The following AVEN variants were observed in gnomAD, a reference collection of about 807,000 sequenced individuals.
AVEN encodes cell death regulator Aven.
AVEN carries 41 observed loss-of-function variants against 38.1 expected under a neutral mutation model. The observed-to-expected ratio is 1.08, with a 90% CI of 0.84 to 1.40. AVEN has a LOEUF of 1.40. Among genes scored for constraint, AVEN ranks in the 40% most tolerant of loss-of-function variants. The pLI is 0.00. For missense variants in AVEN, 605 were observed against 438.8 expected (o/e 1.38, Z -3.38); for synonymous variants, 206 against 171.8 (o/e 1.20, Z -1.56).
intron 2 of AVEN, among the ~76,000 whole-genome samples, chr15:33,955,136 G>A: frequency 6.6e-6 from 1 of 151,954 alleles, no homozygotes; most frequent in South Asian, 2.1e-4. Flanking sequence ...AACCTTAAGT[G>A]TCAGAAAATA....
At chr15:34,008,425 A>AGG (rs1897464602) in intron 1 of AVEN, among the ~76,000 whole-genome samples, 1 of 149,620 alleles carries the variant, frequency 6.7e-6, no homozygotes, top group African/African-American at 2.5e-5. Context: ...GTCTCTTAAA[A>AGG]AGAAAAAAAA....
At chr15:34,038,649 C>CGCGCCG in intron 1 of AVEN, 131 bp downstream of exon 1, 1 of 845,568 alleles carries the variant, frequency 1.2e-6, no homozygotes, top group Non-Finnish European at 1.5e-6. Flanking sequence ...CCGCCCGTCC[C>CGCGCCG]GCGCAGGCGC....
chr15:33,969,771 G>T (rs1474756453), intron 2 of AVEN, among the ~76,000 whole-genome samples: 1 of 151,980 alleles, frequency 6.6e-6, no homozygotes, highest in Non-Finnish European at 1.5e-5. Context: ...TTCAACAAGA[G>T]GATAAAAAGA....
chr15:33,853,490 C>G, the AVEN span: 2 of 1,578,370 alleles, frequency 1.3e-6, no homozygotes, highest in East Asian at 2.3e-5. Context: ...TCTGAAGACC[C>G]CAGAGCTAGA....
chr15:33,891,758 C>T (rs1462873114), intron 2 of AVEN, among the ~76,000 whole-genome samples: 1 of 152,164 alleles, frequency 6.6e-6, no homozygotes, highest in Non-Finnish European at 1.5e-5. Flanking sequence ...AGTGGGATGG[C>T]TGGGTCAAAT....
intron 1 of AVEN, among the ~76,000 whole-genome samples, chr15:34,012,733 C>T (rs1012712307): frequency 1.3e-5 from 2 of 152,140 alleles, no homozygotes; most frequent in African/African-American, 4.8e-5. Context: ...ACTCTCAAGT[C>T]GCCAGAGGAA....
chr15:33,931,700 A>G (rs1416673079), intron 2 of AVEN, among the ~76,000 whole-genome samples: 1 of 152,040 alleles, frequency 6.6e-6, no homozygotes, highest in African/African-American at 2.4e-5. Context: ...TTAAAGTGTT[A>G]CAACAAAATC....
At chr15:33,983,511 A>G (rs1265428904) in intron 2 of AVEN, among the ~76,000 whole-genome samples, 1 of 152,252 alleles carries the variant, frequency 6.6e-6, no homozygotes, top group East Asian at 1.9e-4. Flanking sequence ...TTTAGTCATT[A>G]TAACTTGACC....
chr15:33,959,439 C>T (rs2140466276), intron 2 of AVEN, among the ~76,000 whole-genome samples: 1 of 152,240 alleles, frequency 6.6e-6, no homozygotes, highest in Non-Finnish European at 1.5e-5. Flanking sequence ...CCAAGTCTAC[C>T]TTCAGGCCCC....
intron 1 of AVEN, chr15:34,007,065 T>C: frequency 1.0e-6 from 1 of 984,582 alleles, no homozygotes; most frequent in Non-Finnish European, 1.2e-6. Flanking sequence ...CGGTCACTGG[T>C]TGCATTGTTC....
At chr15:34,003,551 G>A (rs1198042265) in intron 1 of AVEN, among the ~76,000 whole-genome samples, 1 of 152,128 alleles carries the variant, frequency 6.6e-6, no homozygotes, top group Non-Finnish European at 1.5e-5. Flanking sequence ...ACTTCAGGAT[G>A]GAAATCAACT....
At chr15:34,016,017 C>G (rs1461682581) in intron 1 of AVEN, among the ~76,000 whole-genome samples, 2 of 152,218 alleles carry the variant, frequency 1.3e-5, no homozygotes, top group African/African-American at 2.4e-5. Context: ...TGGCTCATGC[C>G]TGTAATCCCA....
At chr15:34,024,872 G>A (rs1898381929) in intron 1 of AVEN, among the ~76,000 whole-genome samples, 1 of 148,106 alleles carries the variant, frequency 6.8e-6, no homozygotes, top group Non-Finnish European at 1.5e-5. Context: ...AAAAAAAAAG[G>A]AAAAAATAAA....
At chr15:33,995,854 G>A (rs1369953327) in intron 2 of AVEN, among the ~76,000 whole-genome samples, 1 of 152,230 alleles carries the variant, frequency 6.6e-6, no homozygotes, top group African/African-American at 2.4e-5. Flanking sequence ...AGGCCACGGA[G>A]GGCGAGCTGA....
At chr15:33,949,990 A>G (rs1894673274) in intron 2 of AVEN, among the ~76,000 whole-genome samples, 2 of 152,326 alleles carry the variant, frequency 1.3e-5, no homozygotes, top group South Asian at 4.1e-4. Context: ...GAATGGATAA[A>G]GAAAATGTGA....
At chr15:33,905,109 G>T (rs1314588086) in intron 2 of AVEN, among the ~76,000 whole-genome samples, 1 of 128,362 alleles carries the variant, frequency 7.8e-6, no homozygotes, top group Non-Finnish European at 1.6e-5. Context: ...CAGCCTGGGC[G>T]ACAGAGCAAG....
chr15:34,036,657 C>G (rs990926459), intron 1 of AVEN, among the ~76,000 whole-genome samples: 1 of 152,198 alleles, frequency 6.6e-6, no homozygotes, highest in African/African-American at 2.4e-5. Context: ...AAGGAACAAT[C>G]TGCCCAACAT....
chr15:33,857,887 C>G (rs200923286), downstream of AVEN: 22 of 1,613,992 alleles, frequency 1.4e-5, no homozygotes, highest in Non-Finnish European at 1.9e-5. Flanking sequence ...ATGACGAGCC[C>G]GATATGAAGT....
In AVEN at chr15:34,039,074, G is replaced by A. The variant is rs1010053987; in HGVS notation, c.-28C>T. 277 of 1,084,708 alleles carry A rather than the reference G, an allele frequency of 2.6e-4. 1 individual carries two copies. In the African/African-American group the frequency reaches 4.4e-3, roughly 17 times the overall value. 67.2% of individuals were successfully genotyped at this position (1,084,708 alleles called of 1,614,324 possible). A position where few individuals can be genotyped will look rare whatever the true frequency, so the allele number is the denominator to read the frequency against. On this transcript the variant is annotated 5_prime_UTR_variant, in exon 1 of 6. Coordinates refer to ENST00000306730, the MANE Select transcript of AVEN (RefSeq NM_020371.3). ...GGCCGCCGCTGGCGGTGCTGAGCGC[G>A]CGGGAGCCGAGCTGCGGCGGAGACG... is the stretch of plus-strand genomic sequence containing the variant.
Sources: gnomAD v4.1 joint callset for allele counts (sites outside exome capture counted in the v4.1 genomes callset) on GRCh38, gnomAD v4.1.1 for gene constraint, MANE v1.5 for transcripts, NCBI Gene and HGNC (gene_info 2026-07-23, HGNC 2026-07-21) for gene names.